Variants in ZNF638 observed in about 807,000 individuals in gnomAD.
ZNF638 encodes the protein CTCL tumor antigen se33-1.
A neutral mutation model predicts 195.6 loss-of-function variants in ZNF638; 46 were observed. That is an observed-to-expected ratio of 0.24 (90% confidence interval 0.19 to 0.30). The LOEUF is 0.30. ZNF638 is among the 10% of genes least tolerant of loss of function. The pLI is 1.00. For synonymous variants in ZNF638, 845 were observed against 772.0 expected (o/e 1.09, Z -1.57); for missense variants, 2,440 against 2,325.3 (o/e 1.05, Z -1.01).
Position 71,402,063 on chromosome 2 carries a change from C to G in ZNF638, c.2805C>G (p.Ile935Met). The G allele has an allele frequency of 2.5e-6, 4 of 1,606,192 alleles. No homozygotes were observed. The highest frequency in any genetic ancestry group is 3.4e-6 in the Non-Finnish European group (4 of 1,175,976). The change falls in exon 16 of 28, where the codon ATC (isoleucine) becomes ATG (methionine). Residue 935 changes from isoleucine (I) to methionine (M), a missense_variant. Ile to Met is a conservative substitution (Grantham distance 10). Transcript: ENST00000264447. ...AACCATTTGGTGGTTTAAAGGATAT[C>G]TTGATTTTATCATCTCATAAAAAGG... is the stretch of plus-strand genomic sequence containing the variant. Reference protein sequence around the residue: ...LAKPFGGLKDILILSSHKKAY... With the variant: ...LAKPFGGLKDMLILSSHKKAY...
At chr2:71,434,698 A>G (rs1473193796) in intron 27 of ZNF638, 44 bp from the exon 28 acceptor site, 1 of 1,551,826 alleles carries the variant, frequency 6.4e-7, no homozygotes, top group Non-Finnish European at 8.8e-7. Context: ...ACATAGCAAA[A>G]TAACGTCTAA....
chr2:71,404,026 TCTTA>T, intron 17 of ZNF638, 28 bp downstream of exon 17: 2 of 1,581,126 alleles, frequency 1.3e-6, no homozygotes, highest in Non-Finnish European at 1.7e-6. Context: ...TTTTACTAGC[TCTTA>T]CTAAGTTTTT....
intron 1 of ZNF638, chr2:71,334,599 G>T (rs1470924615): frequency 6.6e-6 from 1 of 152,192 alleles, no homozygotes. Flanking sequence ...AGGAAAAGGT[G>T]AGATGTAGAA....
At chr2:71,405,735 C>A in intron 18 of ZNF638, 93 bp downstream of exon 18, 1 of 932,838 alleles carries the variant, frequency 1.1e-6, no homozygotes, top group South Asian at 1.6e-5. Flanking sequence ...AACCTTAGAA[C>A]TAATTTTAAG....
chr2:71,385,437 T>G (rs929204420), intron 10 of ZNF638, among the ~76,000 whole-genome samples: 3 of 152,206 alleles, frequency 2.0e-5, no homozygotes, highest in Non-Finnish European at 4.4e-5. Flanking sequence ...ATTATAAAAT[T>G]TCATGTATAT....
At chr2:71,353,914 T>C (rs1017830604) in intron 2 of ZNF638, among the ~76,000 whole-genome samples, 2 of 152,352 alleles carry the variant, frequency 1.3e-5, no homozygotes, top group African/African-American at 4.8e-5. Flanking sequence ...TACTAGAGAC[T>C]CTTCTTCTAG....
chr2:71,363,017 A>G (rs2079134940), intron 3 of ZNF638, 136 bp from the exon 4 acceptor site: 2 of 713,522 alleles, frequency 2.8e-6, no homozygotes, highest in African/African-American at 1.8e-5. Context: ...TTGATTATTT[A>G]TTGAATTAAA....
intron 18 of ZNF638, among the ~76,000 whole-genome samples, 167 bp downstream of exon 18, chr2:71,405,809 TGTA>T (rs1487617656): frequency 6.6e-6 from 1 of 152,218 alleles, no homozygotes; most frequent in Non-Finnish European, 1.5e-5. Context: ...AAAGGTTTCT[TGTA>T]GTACTTGATG....
At chr2:71,394,081 T>G (rs1462942786) in intron 10 of ZNF638, among the ~76,000 whole-genome samples, 1 of 152,218 alleles carries the variant, frequency 6.6e-6, no homozygotes, top group East Asian at 1.9e-4. Flanking sequence ...GATTCCACTT[T>G]GGTTGGGAGG....
intron 1 of ZNF638, among the ~76,000 whole-genome samples, chr2:71,342,828 C>G (rs1301971200): frequency 3.9e-5 from 6 of 152,072 alleles, no homozygotes; most frequent in Non-Finnish European, 8.8e-5. Context: ...TAGCTGACGT[C>G]TATCAAATAG....
intron 10 of ZNF638, among the ~76,000 whole-genome samples, chr2:71,388,019 T>A (rs142213288): frequency 6.6e-6 from 1 of 152,088 alleles, no homozygotes; most frequent in African/African-American, 2.4e-5. Context: ...ACTACACTTA[T>A]AATTAAAGAA....
At chr2:71,336,115 T>C (rs2078662890) in intron 1 of ZNF638, among the ~76,000 whole-genome samples, 3 of 152,186 alleles carry the variant, frequency 2.0e-5, no homozygotes, top group African/African-American at 7.2e-5. Context: ...CTCACGCCTG[T>C]AATCCCAGCA....
At chr2:71,367,849 C>T (rs2079231503) in intron 6 of ZNF638, among the ~76,000 whole-genome samples, 1 of 152,016 alleles carries the variant, frequency 6.6e-6, no homozygotes, top group African/African-American at 2.4e-5. Context: ...GGGATACAGG[C>T]ATGAGCCACC....
chr2:71,369,421 T>A (rs2079268187), intron 7 of ZNF638, among the ~76,000 whole-genome samples: 1 of 151,914 alleles, frequency 6.6e-6, no homozygotes, highest in Non-Finnish European at 1.5e-5. Flanking sequence ...GGAGGATCGC[T>A]TGAGGCCAGG....
At chr2:71,370,792 G>A (rs1558849068) in intron 8 of ZNF638, among the ~76,000 whole-genome samples, 2 of 152,122 alleles carry the variant, frequency 1.3e-5, no homozygotes, top group Non-Finnish European at 2.9e-5. Flanking sequence ...TGGAAAATGG[G>A]ATATCTGTCC....
chr2:71,371,237 T>A (rs2079306555), intron 8 of ZNF638, among the ~76,000 whole-genome samples: 1 of 152,208 alleles, frequency 6.6e-6, no homozygotes, highest in Non-Finnish European at 1.5e-5. Flanking sequence ...CTTTATCTAT[T>A]CATGTGTTGA....
chr2:71,366,882 A>G (rs139332270), intron 6 of ZNF638, among the ~76,000 whole-genome samples: 2,061 of 152,316 alleles, frequency 0.014, 34 homozygotes, highest in Middle Eastern at 0.027. Context: ...TTAAATCACT[A>G]TTAATATATT....
intron 1 of ZNF638, among the ~76,000 whole-genome samples, chr2:71,338,969 T>G (rs943818300): frequency 6.6e-6 from 1 of 152,206 alleles, no homozygotes; most frequent in African/African-American, 2.4e-5. Context: ...CCTTATAGAT[T>G]ACCAGCTTCA....
At chr2:71,334,158 A>G (rs2078622799) in intron 1 of ZNF638, among the ~76,000 whole-genome samples, 1 of 152,174 alleles carries the variant, frequency 6.6e-6, no homozygotes, top group African/African-American at 2.4e-5. Flanking sequence ...GGTATGTATT[A>G]GATGCTCAGA....
Sources: gnomAD v4.1 joint callset for allele counts (sites outside exome capture counted in the v4.1 genomes callset) on GRCh38, gnomAD v4.1.1 for gene constraint, MANE v1.5 for transcripts, NCBI Gene and HGNC (gene_info 2026-07-23, HGNC 2026-07-21) for gene names.